DNAAF4: variants seen among roughly 807,000 people sequenced by gnomAD.
The protein encoded by DNAAF4 is dynein assembly factor 4, axonemal.
In DNAAF4, 43 loss-of-function variants were observed where a neutral mutation model predicts 51.8. The ratio of observed to expected loss-of-function variants is 0.83; its 90% confidence interval spans 0.65 to 1.07. DNAAF4 has a LOEUF of 1.07. Among genes scored for constraint, DNAAF4 ranks in the 50% least tolerant of loss-of-function variants. DNAAF4 has a pLI of 0.00. For missense variants in DNAAF4, 581 were observed against 493.0 expected, an observed-to-expected ratio of 1.18 and a Z score of -1.69; for synonymous variants, 194 against 165.6, an observed-to-expected ratio of 1.17 and a Z score of -1.32.
intron 1 of DNAAF4, among the ~76,000 whole-genome samples, chr15:55,503,711 A>G (rs1282453361): frequency 6.6e-6 from 1 of 152,214 alleles, no homozygotes; most frequent in Non-Finnish European, 1.5e-5. Flanking sequence ...AAGGCTTTTG[A>G]CAAAATTCGA....
chr15:55,474,332 A>G (rs1007228015), intron 4 of DNAAF4, among the ~76,000 whole-genome samples: 5 of 152,068 alleles, frequency 3.3e-5, no homozygotes, highest in African/African-American at 9.7e-5. Context: ...TAAGGAGTTC[A>G]AGATCAGCCT....
chr15:55,468,330 G>A (rs559271010), intron 4 of DNAAF4, among the ~76,000 whole-genome samples: 2 of 152,256 alleles, frequency 1.3e-5, no homozygotes, highest in African/African-American at 4.8e-5. Flanking sequence ...TTATTTTCCT[G>A]TGAGATGCTG....
intron 6 of DNAAF4, among the ~76,000 whole-genome samples, chr15:55,447,066 G>A (rs1385418257): frequency 1.3e-5 from 2 of 149,962 alleles, no homozygotes; most frequent in Non-Finnish European, 1.5e-5. Flanking sequence ...CCCAGATGGG[G>A]CAGCTGACGG....
intron 4 of DNAAF4, among the ~76,000 whole-genome samples, chr15:55,473,243 A>ATATATATATATG (rs2058286375): frequency 4.1e-5 from 5 of 120,788 alleles, no homozygotes; most frequent in Non-Finnish European, 8.7e-5. Flanking sequence ...ATATATATAT[A>ATATATATATATG]TGTGTGTGTA....
intron 4 of DNAAF4, among the ~76,000 whole-genome samples, chr15:55,485,720 C>T (rs1330799861): frequency 6.6e-6 from 1 of 152,064 alleles, no homozygotes; most frequent in African/African-American, 2.4e-5. Flanking sequence ...GGCGGCCAAG[C>T]GCAGTGGCTC....
At chr15:55,506,910 G>A (rs1378291409) in intron 1 of DNAAF4, among the ~76,000 whole-genome samples, 2 of 151,690 alleles carry the variant, frequency 1.3e-5, no homozygotes, top group African/African-American at 4.8e-5. Context: ...GAGTGCAATG[G>A]GGCATCTTGG....
rs1314873144 is a variant in DNAAF4 at position 55,498,356 on chromosome 15, C to G, written c.-27G>C. ...CCGGTAGCAACGGGAGCGGATAGCG[C>G]GGCTGGTTGCTTCTTGCGCCTGCTT... On this transcript the variant is annotated 5_prime_UTR_variant, in exon 2 of 10. Transcript: ENST00000321149. 2 of 1,589,846 alleles carry G rather than the reference C, an allele frequency of 1.3e-6. No homozygotes were observed. The highest frequency in any genetic ancestry group is 1.7e-6 in the Non-Finnish European group (2 of 1,164,472).
intron 4 of DNAAF4, among the ~76,000 whole-genome samples, chr15:55,470,580 C>A (rs2058239980): frequency 6.7e-6 from 1 of 148,698 alleles, no homozygotes; most frequent in African/African-American, 2.5e-5. Flanking sequence ...CTTGCTCTGT[C>A]ACCCAGGCTG....
intron 8 of DNAAF4, among the ~76,000 whole-genome samples, chr15:55,433,912 A>T (rs370053416): frequency 3.7e-4 from 3 of 8,202 alleles, no homozygotes; most frequent in African/African-American, 2.5e-3. Context: ...TATTATATAT[A>T]ATTATATATA....
intron 8 of DNAAF4, among the ~76,000 whole-genome samples, chr15:55,433,109 G>A (rs2057522543): frequency 6.6e-6 from 1 of 152,140 alleles, no homozygotes; most frequent in Non-Finnish European, 1.5e-5. Flanking sequence ...AGGCCAGCCT[G>A]GCCAACATGG....
At position 55,473,281 on chromosome 15, in the gene DNAAF4, A is replaced by ATATATATG. The variant is rs1567023471; in HGVS notation, c.406-6121_406-6120insCATATATA. Among the ~76,000 whole-genome samples the ATATATATG allele has an allele frequency of 6.8e-4, 77 of 112,836 alleles. 6 individuals carry two copies. Among genetic ancestry groups the ATATATATG allele is most frequent in the African/African-American group, 3.0e-3 (71 of 23,852 alleles). The allele number at this position is 112,836 out of a possible 152,430, so 74.0% of individuals were successfully genotyped here. On this transcript the variant is annotated intron_variant, in intron 4 of 9. Transcript: ENST00000321149. ...TATATGTGTATATATGTGTATATAT[A>ATATATATG]TGTGTATATATATGTGTATATATAT...
intron 9 of DNAAF4, among the ~76,000 whole-genome samples, 158 bp downstream of exon 9, chr15:55,432,339 C>T (rs2057509628): frequency 2.0e-5 from 3 of 152,084 alleles, no homozygotes; most frequent in Non-Finnish European, 4.4e-5. Flanking sequence ...ATTTAGAAAT[C>T]ATGTATTGTC....
chr15:55,443,011 A>C (rs777633879), intron 6 of DNAAF4: 20 of 1,611,490 alleles, frequency 1.2e-5, no homozygotes, highest in Non-Finnish European at 1.7e-5. Context: ...GCCATCATCA[A>C]AGCTTCTGGT....
chr15:55,432,833 C>CTAGCTA (rs1330001227), intron 8 of DNAAF4, among the ~76,000 whole-genome samples: 1 of 151,594 alleles, frequency 6.6e-6, no homozygotes, highest in Non-Finnish European at 1.5e-5. Context: ...ACCTGTAGTC[C>CTAGCTA]TAGCTACTTG....
intron 4 of DNAAF4, among the ~76,000 whole-genome samples, chr15:55,487,865 T>C (rs1197018927): frequency 6.6e-6 from 1 of 152,214 alleles, no homozygotes; most frequent in African/African-American, 2.4e-5. Flanking sequence ...TTTCCCATTA[T>C]ACCTCTCTTT....
In DNAAF4 at chr15:55,486,740, C is replaced by T. The variant is rs970284787; in HGVS notation, c.405+4383G>A. Among the ~76,000 whole-genome samples, 4 of 151,044 alleles carry T rather than the reference C, an allele frequency of 2.6e-5. No homozygotes were observed. In the South Asian group the frequency reaches 8.3e-4, roughly 31 times the overall value. ...TCAATGTAGTGAGCTGTAATTGCGC[C>T]ATTTTGCATTCCAGCCTGGGCAACA... On this transcript the variant is annotated intron_variant, in intron 4 of 9. Coordinates refer to ENST00000321149, the MANE Select transcript of DNAAF4 (RefSeq NM_130810.4).
At chr15:55,501,013 A>AAAAT (rs1555422053) in intron 1 of DNAAF4, among the ~76,000 whole-genome samples, 2 of 142,548 alleles carry the variant, frequency 1.4e-5, no homozygotes, top group Non-Finnish European at 3.0e-5. Flanking sequence ...AAAAAAAAAA[A>AAAAT]TGGAAACTTA....
intron 1 of DNAAF4, among the ~76,000 whole-genome samples, chr15:55,499,813 C>G (rs1390854952): frequency 6.6e-6 from 1 of 152,176 alleles, no homozygotes; most frequent in Non-Finnish European, 1.5e-5. Flanking sequence ...ATTATGTAGT[C>G]TTATTCTACA....
intron 6 of DNAAF4, among the ~76,000 whole-genome samples, chr15:55,444,268 C>A (rs1040855731): frequency 6.6e-6 from 1 of 152,166 alleles, no homozygotes; most frequent in Non-Finnish European, 1.5e-5. Context: ...ATATGGCTAG[C>A]CAGTTTTCCC....
Sources: allele counts gnomAD v4.1 joint callset (sites outside exome capture counted in the v4.1 genomes callset), GRCh38; gene constraint gnomAD v4.1.1; transcripts MANE v1.5; gene names NCBI Gene and HGNC (gene_info 2026-07-23, HGNC 2026-07-21).